CNNM2: variants seen among roughly 807,000 people sequenced by gnomAD.
The protein encoded by CNNM2 is metal transporter CNNM2.
A neutral mutation model predicts 66.9 loss-of-function variants in CNNM2; 12 were observed. The observed-to-expected ratio is 0.18, with a 90% CI of 0.11 to 0.29. The LOEUF is 0.29. CNNM2 is among the 10% of genes least tolerant of loss of function. CNNM2 has a pLI of 1.00. For missense variants in CNNM2, 705 were observed against 1,167.7 expected (o/e 0.60, Z 5.77); for synonymous variants, 557 against 501.8 (o/e 1.11, Z -1.47).
intron 1 of CNNM2, among the ~76,000 whole-genome samples, chr10:103,029,599 A>G (rs2064782434): frequency 6.6e-6 from 1 of 152,166 alleles, no homozygotes; most frequent in Non-Finnish European, 1.5e-5. Context: ...ACGGTGGCTC[A>G]CGCCTGTAAT....
Position 103,073,929 on chromosome 10 carries a change from T to C in CNNM2, c.2233+2090T>C, listed in dbSNP as rs118003084. Among the ~76,000 whole-genome samples the C allele has an allele frequency of 0.016, 2,321 of 145,546 alleles. 30 individuals carry two copies. Among genetic ancestry groups the C allele is most frequent in the Middle Eastern group, 0.054 (14 of 258 alleles). On this transcript the variant is annotated intron_variant, in intron 6 of 7. Transcript: ENST00000369878. ...ATGCCAGCTGGGCTCACTTATGGGG[T>C]ACCTACTGTTGTCAGATAAGCACTT... is the stretch of plus-strand genomic sequence containing the variant.
At chr10:102,964,781 C>T (rs555653455) in intron 1 of CNNM2, among the ~76,000 whole-genome samples, 22 of 152,202 alleles carry the variant, frequency 1.4e-4, no homozygotes, top group African/African-American at 4.8e-4. Context: ...AAATGAAATA[C>T]TATATGTTGC....
rs370803863 is a variant in CNNM2, at chr10:103,023,402, G to T, written c.1622-26305G>T. Reference sequence around the variant, plus strand: ...ACCCCATCTCTACTAAAAATAGAGGGTGTGGCATGGTGGTGAGTACCTGTA... The same window carrying T: ...ACCCCATCTCTACTAAAAATAGAGGTTGTGGCATGGTGGTGAGTACCTGTA... On this transcript the variant is annotated intron_variant, in intron 1 of 7. Transcript: ENST00000369878. Among the ~76,000 whole-genome samples the T allele has an allele frequency of 1.3e-4, 20 of 152,258 alleles. No individual in the cohort carries two copies. The East Asian group carries it at 2.9e-3, about 22-fold the overall frequency.
At chr10:103,004,129 A>G (rs1205423111) in intron 1 of CNNM2, among the ~76,000 whole-genome samples, 4 of 101,066 alleles carry the variant, frequency 4.0e-5, no homozygotes, top group East Asian at 5.7e-4. Context: ...CAGCCTCCCA[A>G]GTAGCTGGAA....
chr10:102,933,145 G>T (rs1357906235), intron 1 of CNNM2, among the ~76,000 whole-genome samples: 1 of 152,062 alleles, frequency 6.6e-6, no homozygotes, highest in East Asian at 1.9e-4. Flanking sequence ...ATTTTTCAGG[G>T]ATCAACTTGC....
intron 1 of CNNM2, among the ~76,000 whole-genome samples, chr10:103,023,698 G>A (rs923621076): frequency 5.9e-5 from 9 of 152,030 alleles, no homozygotes; most frequent in African/African-American, 2.2e-4. Flanking sequence ...AGATTTGGAG[G>A]GGACACACAT....
intron 1 of CNNM2, among the ~76,000 whole-genome samples, chr10:102,941,805 C>G (rs919255681): frequency 6.6e-6 from 1 of 152,138 alleles, no homozygotes; most frequent in African/African-American, 2.4e-5. Flanking sequence ...TTTCACCTGC[C>G]TCTCCTACTA....
intron 6 of CNNM2, among the ~76,000 whole-genome samples, chr10:103,072,567 T>G (rs1005942740): frequency 3.9e-5 from 6 of 152,150 alleles, no homozygotes; most frequent in Non-Finnish European, 2.9e-5. Flanking sequence ...TGTTTTGGAG[T>G]GAACACCCGG....
rs2065825261 is a variant in CNNM2 at position 103,087,093 on chromosome 10, CA to C, written c.*9917del. 1 of 140,158 alleles carries C rather than the reference CA, an allele frequency of 7.1e-6. No homozygotes were observed. Among genetic ancestry groups the C allele is most frequent in the Non-Finnish European group, 1.5e-5 (1 of 66,172 alleles). 8.7% of individuals were successfully genotyped at this position (140,158 alleles called of 1,614,324 possible). A position where few individuals can be genotyped will look rare whatever the true frequency, so the allele number is the denominator to read the frequency against. On this transcript the variant is annotated 3_prime_UTR_variant, in exon 8 of 8. Coordinates refer to ENST00000369878, the MANE Select transcript of CNNM2 (RefSeq NM_017649.5). ...TTCAAAATGCCTGGGAAAAAATTCT[CA>C]AAAGAAGTGGCAGAATGGTCTTCTC...
intron 2 of CNNM2, among the ~76,000 whole-genome samples, chr10:103,052,068 A>G (rs1412100313): frequency 6.6e-6 from 1 of 151,954 alleles, no homozygotes; most frequent in Admixed American, 6.6e-5. Context: ...TGAGGTCAAG[A>G]GATGGAGAAC....
At position 102,925,296 on chromosome 10, in the gene CNNM2, CAAA is replaced by C. The variant is rs10624810; in HGVS notation, c.1621+5223_1621+5225del. On this transcript the variant is annotated intron_variant, in intron 1 of 7. Transcript: ENST00000369878. ...GGGCAACAAGAGCGAAACTCCATCT[CAAA>C]AAAAAAAAAAAAAAAAAAAAAAAAA... is the stretch of plus-strand genomic sequence containing the variant. Among the ~76,000 whole-genome samples, 6 of 17,760 alleles carry C rather than the reference CAAA, an allele frequency of 3.4e-4. No individual in the cohort carries two copies. In the East Asian group the frequency reaches 7.3e-3, roughly 22 times the overall value. The allele number at this position is 17,760 out of a possible 152,430, so 11.7% of individuals were successfully genotyped here.
At chr10:103,034,794 G>A (rs931028890) in intron 1 of CNNM2, among the ~76,000 whole-genome samples, 2 of 151,772 alleles carry the variant, frequency 1.3e-5, no homozygotes, top group Admixed American at 6.6e-5. Context: ...GTGAAACCCC[G>A]TCTCTACTAA....
chr10:102,932,790 G>A (rs1020207370), intron 1 of CNNM2, among the ~76,000 whole-genome samples: 9 of 151,694 alleles, frequency 5.9e-5, no homozygotes, highest in Non-Finnish European at 1.0e-4. Flanking sequence ...GGTGGTGCAT[G>A]CCTGTAGTCC....
chr10:102,977,212 G>A (rs967432533), intron 1 of CNNM2, among the ~76,000 whole-genome samples: 2 of 152,102 alleles, frequency 1.3e-5, no homozygotes, highest in Non-Finnish European at 2.9e-5. Context: ...TACAGGTTGC[G>A]TATTCCTTGT....
In CNNM2 at chr10:103,054,609, TTTTTG is replaced by T. The variant is rs944388168; in HGVS notation, c.1903+158_1903+162del. The T allele has an allele frequency of 1.6e-5, 12 of 739,062 alleles. No homozygotes were observed. The highest frequency in any genetic ancestry group is 5.2e-5 in the African/African-American group (3 of 57,352). The allele number at this position is 739,062 out of a possible 1,614,324, so 45.8% of individuals were successfully genotyped here. A position where few individuals can be genotyped will look rare whatever the true frequency, so the allele number is the denominator to read the frequency against. On this transcript the variant is annotated intron_variant, in intron 3 of 7. Transcript: ENST00000369878. The surrounding 1 kb of genome is among the most constrained non-coding windows in gnomAD (Gnocchi z 5.2). ...ACTTTTGTGTTTTGTTTTTTTTGTT[TTTTTG>T]TTTTGTTTTGTTTTTTTCTTTTTAA... is the stretch of plus-strand genomic sequence containing the variant.
Position 103,071,755 on chromosome 10 carries a change from G to C in CNNM2, c.2168-19G>C. ...TTGCCTTTTGATGCGATCTCACCCT[G>C]TTTTTCTCCATTTTTCAGTTCCTTT... is the stretch of plus-strand genomic sequence containing the variant. On this transcript the variant is annotated intron_variant, in intron 5 of 7. Transcript: ENST00000369878. 1 of 1,610,880 alleles carries C rather than the reference G, an allele frequency of 6.2e-7. No homozygotes were observed.
intron 1 of CNNM2, among the ~76,000 whole-genome samples, chr10:102,966,766 T>C (rs1207693675): frequency 6.6e-6 from 1 of 152,100 alleles, no homozygotes; most frequent in Non-Finnish European, 1.5e-5. Context: ...CCTCAAGGAA[T>C]TGTCATGGAA....
intron 1 of CNNM2, among the ~76,000 whole-genome samples, chr10:102,922,332 T>G (rs1590250566): frequency 6.6e-6 from 1 of 152,138 alleles, no homozygotes; most frequent in African/African-American, 2.4e-5. Flanking sequence ...TCTTGGATTT[T>G]TTTTTTATTA....
chr10:102,935,120 T>C (rs1590272387), intron 1 of CNNM2, among the ~76,000 whole-genome samples: 1 of 143,534 alleles, frequency 7.0e-6, no homozygotes, highest in Non-Finnish European at 1.5e-5. Flanking sequence ...GACCGCGCCA[T>C]TGCATTCCAG....
Sources: gnomAD v4.1 joint callset for allele counts (sites outside exome capture counted in the v4.1 genomes callset) on GRCh38, gnomAD v4.1.1 for gene constraint, Gnocchi (gnomAD v3.1) non-coding constraint, MANE v1.5 for transcripts, NCBI Gene and HGNC (gene_info 2026-07-23, HGNC 2026-07-21) for gene names.